The following GRIP1 variants were observed in gnomAD, a reference collection of about 807,000 sequenced individuals.
The protein encoded by GRIP1 is glutamate receptor interacting protein 1.
In GRIP1, 45 loss-of-function variants were observed where a neutral mutation model predicts 129.9. That is an observed-to-expected ratio of 0.35 (90% confidence interval 0.27 to 0.44). GRIP1 has a LOEUF of 0.44. GRIP1 is among the 20% of genes least tolerant of loss of function. The pLI is 1.00. For missense variants in GRIP1, 1,196 were observed against 1,396.8 expected (o/e 0.86, Z 2.29); for synonymous variants, 530 against 520.8 (o/e 1.02, Z -0.24).
intron 2 of GRIP1, among the ~76,000 whole-genome samples, chr12:66,573,769 A>C (rs1333807558): frequency 6.6e-6 from 1 of 152,188 alleles, no homozygotes; most frequent in Admixed American, 6.5e-5. Flanking sequence ...TGAAAGAAAC[A>C]AGCTGTGCTG....
chr12:66,634,943 C>A (rs1038318761), intron 1 of GRIP1, among the ~76,000 whole-genome samples: 50 of 152,212 alleles, frequency 3.3e-4, no homozygotes, highest in Admixed American at 1.2e-3. Flanking sequence ...TTCTTTATAG[C>A]ATCTAGACAA....
At chr12:67,002,212 G>T (rs2042561469) in intron 1 of GRIP1, among the ~76,000 whole-genome samples, 1 of 152,156 alleles carries the variant, frequency 6.6e-6, no homozygotes, top group Non-Finnish European at 1.5e-5. Context: ...TTATTCAAAA[G>T]AATTGTAGCA....
At chr12:66,889,113 T>C (rs959419828) in intron 1 of GRIP1, among the ~76,000 whole-genome samples, 4 of 152,188 alleles carry the variant, frequency 2.6e-5, no homozygotes, top group African/African-American at 9.7e-5. Context: ...CTTTCTCTAT[T>C]GTAAGTCTAG....
At chr12:66,907,086 C>A (rs1371524282) in intron 1 of GRIP1, among the ~76,000 whole-genome samples, 1 of 152,200 alleles carries the variant, frequency 6.6e-6, no homozygotes, top group Non-Finnish European at 1.5e-5. Flanking sequence ...GTCATCATGT[C>A]TCTTTAATCG....
At chr12:66,475,580 A>G (rs572812339) in intron 7 of GRIP1, among the ~76,000 whole-genome samples, 3 of 152,222 alleles carry the variant, frequency 2.0e-5, no homozygotes, top group Non-Finnish European at 4.4e-5. Flanking sequence ...AGTTGGAAGT[A>G]AAGCACTCCT....
intron 1 of GRIP1, among the ~76,000 whole-genome samples, chr12:66,890,186 C>T (rs2040634623): frequency 6.6e-6 from 1 of 152,136 alleles, no homozygotes; most frequent in Non-Finnish European, 1.5e-5. Flanking sequence ...ACCTCAGCCT[C>T]CCAAAATGTT....
At chr12:66,841,530 T>G (rs2039716218) in intron 1 of GRIP1, among the ~76,000 whole-genome samples, 1 of 152,184 alleles carries the variant, frequency 6.6e-6, no homozygotes, top group Non-Finnish European at 1.5e-5. Context: ...TGCACAGCAT[T>G]TTTTGATTAT....
intron 1 of GRIP1, among the ~76,000 whole-genome samples, chr12:66,608,489 T>C (rs1460630558): frequency 2.0e-5 from 3 of 152,250 alleles, no homozygotes; most frequent in East Asian, 3.9e-4. Flanking sequence ...CATACCACCA[T>C]GACTGGCTAA....
chr12:66,673,132 C>T (rs1428440942), intron 1 of GRIP1, among the ~76,000 whole-genome samples: 1 of 152,108 alleles, frequency 6.6e-6, no homozygotes, highest in East Asian at 1.9e-4. Context: ...AAAAATGAAA[C>T]ACTGGGGTTC....
In GRIP1 at chr12:66,529,698, C is replaced by T. The variant is rs765976165; in HGVS notation, c.502+133G>A. The T allele has an allele frequency of 3.9e-4, 273 of 692,850 alleles. 1 individual carries two copies. The highest frequency in any genetic ancestry group is 2.1e-3 in the Middle Eastern group (8 of 3,776). The allele number at this position is 692,850 out of a possible 1,614,324, so 42.9% of individuals were successfully genotyped here. Reference sequence around the variant, plus strand: ...TGGGTTCAGTGTATACTGCTCGGGTCGTGGGTGCACCAAAATCTCACAAAT... The same window carrying T: ...TGGGTTCAGTGTATACTGCTCGGGTTGTGGGTGCACCAAAATCTCACAAAT... On this transcript the variant is annotated intron_variant, in intron 5 of 24. Transcript: ENST00000359742.
rs1408950152 is a variant in GRIP1, at chr12:66,678,960, TGCA to T, written c.-59_-57del. 21 of 1,610,488 alleles carry T rather than the reference TGCA, an allele frequency of 1.3e-5. No individual in the cohort carries two copies. The highest frequency in any genetic ancestry group is 4.5e-5 in the East Asian group (2 of 44,662). ...ACTCAAGGCTCTCTGCTCTGGTGGCTGCAGCAGCAGCAGCATATGAATTCCTTG... is the reference window on the plus strand; with the variant it reads ...ACTCAAGGCTCTCTGCTCTGGTGGCTGCAGCAGCAGCATATGAATTCCTTG... On this transcript the variant is annotated 5_prime_UTR_variant, in exon 1 of 25. Transcript: ENST00000359742.
chr12:66,457,320 T>A (rs1410027863), intron 9 of GRIP1, among the ~76,000 whole-genome samples: 1 of 152,124 alleles, frequency 6.6e-6, no homozygotes, highest in Non-Finnish European at 1.5e-5. Context: ...CAGGCTGGAG[T>A]GCAGTGGTGT....
chr12:66,660,615 T>TTTACAAAG (rs2033439198), intron 1 of GRIP1, among the ~76,000 whole-genome samples: 1 of 152,148 alleles, frequency 6.6e-6, no homozygotes, highest in South Asian at 2.1e-4. Flanking sequence ...CAAAGCAATT[T>TTTACAAAG]CACATACACA....
intron 2 of GRIP1, among the ~76,000 whole-genome samples, chr12:66,560,142 A>T (rs887195899): frequency 6.6e-6 from 1 of 152,124 alleles, no homozygotes; most frequent in Non-Finnish European, 1.5e-5. Context: ...CTAGACCCCC[A>T]TCTCTTGCCA....
chr12:67,029,471 T>C (rs2042988522), intron 1 of GRIP1, among the ~76,000 whole-genome samples: 1 of 151,194 alleles, frequency 6.6e-6, no homozygotes, highest in African/African-American at 2.4e-5. Flanking sequence ...CCCAAGTACT[T>C]AGGAGGCTGA....
intron 7 of GRIP1, among the ~76,000 whole-genome samples, chr12:66,493,617 A>ACACAGAAAG (rs72441457): frequency 0.37 from 55,574 of 151,952 alleles, 12,025 homozygotes; most frequent in East Asian, 0.68. Context: ...TTTCCTAAAG[A>ACACAGAAAG]AAGAGCCAAA....
intron 1 of GRIP1, among the ~76,000 whole-genome samples, chr12:66,630,738 T>A (rs2030684301): frequency 6.6e-6 from 1 of 152,184 alleles, no homozygotes; most frequent in Non-Finnish European, 1.5e-5. Context: ...TGCTTCTGCA[T>A]CTTATCACAT....
chr12:66,840,223 T>C (rs948722123), intron 1 of GRIP1, among the ~76,000 whole-genome samples: 3 of 152,168 alleles, frequency 2.0e-5, no homozygotes, highest in Admixed American at 6.5e-5. Context: ...AATAATAGGC[T>C]TCTGATATTG....
intron 11 of GRIP1, among the ~76,000 whole-genome samples, chr12:66,446,321 A>T (rs896705917): frequency 1.8e-4 from 27 of 152,024 alleles, no homozygotes; most frequent in Admixed American, 7.9e-4. Flanking sequence ...AGCCCTGCCC[A>T]TTGGAGTGTG....
Sources: allele counts gnomAD v4.1 joint callset (sites outside exome capture counted in the v4.1 genomes callset), GRCh38; gene constraint gnomAD v4.1.1; transcripts MANE v1.5; gene names NCBI Gene and HGNC (gene_info 2026-07-23, HGNC 2026-07-21).